The following ELK3 variants were observed in gnomAD, a reference collection of about 807,000 sequenced individuals.
The protein encoded by ELK3 is ETS domain-containing protein Elk-3.
ELK3 carries 10 observed loss-of-function variants against 28.9 expected under a neutral mutation model. That is an observed-to-expected ratio of 0.35 (90% CI 0.21 to 0.59). The LOEUF is 0.59. ELK3 is among the 20% of genes least tolerant of loss of function. The probability of loss-of-function intolerance (pLI) is 0.82; values close to 1 mark genes in which losing one functional copy is unlikely to be tolerated. For missense variants in ELK3, 463 were observed against 517.3 expected (o/e 0.90, Z 1.02); for synonymous variants, 272 against 243.5 (o/e 1.12, Z -1.09).
chr12:96,216,747 A>T (rs1951621439), intron 1 of ELK3, among the ~76,000 whole-genome samples: 1 of 152,222 alleles, frequency 6.6e-6, no homozygotes, highest in South Asian at 2.1e-4. Flanking sequence ...TGTAACTCTT[A>T]CAACAACCCT....
intron 2 of ELK3, among the ~76,000 whole-genome samples, chr12:96,227,488 T>G (rs1951710507): frequency 6.6e-6 from 1 of 151,732 alleles, no homozygotes; most frequent in South Asian, 2.1e-4. Context: ...TGTTATATTT[T>G]TAGCAGAGAA....
At chr12:96,259,614 T>C (rs1403091856) in intron 3 of ELK3, 117 bp from the exon 4 acceptor site, 3 of 1,166,544 alleles carry the variant, frequency 2.6e-6, no homozygotes, top group Non-Finnish European at 3.5e-6. Flanking sequence ...TTTCCTGAGA[T>C]GGTAAGGTCG....
rs1005711656 is a variant in ELK3, at chr12:96,267,481, T to TAAC, written c.*302_*304dup. 3.3e-5 allele frequency: 8 copies of TAAC among 241,978 alleles called. No homozygotes were observed. The highest frequency in any genetic ancestry group is 1.8e-4 in the African/African-American group (8 of 43,794). The allele number at this position is 241,978 out of a possible 1,614,324, so 15.0% of individuals were successfully genotyped here. A position where few individuals can be genotyped will look rare whatever the true frequency, so the allele number is the denominator to read the frequency against. On this transcript the variant is annotated 3_prime_UTR_variant, in exon 5 of 5. Transcript: ENST00000228741. The stretch of plus-strand genomic sequence containing the variant: ...GAACTTTTCTTAATGGTTTTCAGTA[T>TAAC]AACTAATAAGGATGTGAAGCTTTTT...
At chr12:96,238,188 G>T (rs984674644) in intron 2 of ELK3, among the ~76,000 whole-genome samples, 17 of 152,346 alleles carry the variant, frequency 1.1e-4, no homozygotes, top group African/African-American at 2.9e-4. Flanking sequence ...CAGTGTGTAC[G>T]ATTAGATTAT....
At chr12:96,218,780 C>G (rs1951639973) in intron 1 of ELK3, among the ~76,000 whole-genome samples, 1 of 151,774 alleles carries the variant, frequency 6.6e-6, no homozygotes, top group South Asian at 2.1e-4. Flanking sequence ...TCCCGAGTAG[C>G]TGGGACCACA....
At chr12:96,205,887 G>T (rs1951535438) in intron 1 of ELK3, among the ~76,000 whole-genome samples, 2 of 152,188 alleles carry the variant, frequency 1.3e-5, no homozygotes, top group Admixed American at 1.3e-4. Flanking sequence ...CACCCCTTTA[G>T]TTGCTGTACC....
chr12:96,194,846 T>G (rs1002697342), intron 1 of ELK3, 141 bp downstream of exon 1: 38 of 27,932 alleles, frequency 1.4e-3, no homozygotes, highest in South Asian at 3.9e-3. Flanking sequence ...GGGGTGGGGG[T>G]GGCGGTGCGT....
At chr12:96,265,660 C>G (rs2137047083) in intron 4 of ELK3, among the ~76,000 whole-genome samples, 1 of 152,244 alleles carries the variant, frequency 6.6e-6, no homozygotes, top group Non-Finnish European at 1.5e-5. Context: ...GCCTGGGTGA[C>G]AGAGCCAGAC....
chr12:96,261,036 AAG>A (rs1224527529), intron 4 of ELK3, among the ~76,000 whole-genome samples: 1 of 152,188 alleles, frequency 6.6e-6, no homozygotes, highest in African/African-American at 2.4e-5. Context: ...TGAATTCACA[AAG>A]AGAAGTCTGA....
intron 2 of ELK3, among the ~76,000 whole-genome samples, chr12:96,224,505 G>A (rs965943078): frequency 1.3e-5 from 2 of 152,220 alleles, no homozygotes; most frequent in Non-Finnish European, 2.9e-5. Flanking sequence ...GCAACTTCAT[G>A]GGAAACTTCC....
chr12:96,258,711 C>G (rs1951970317), intron 3 of ELK3, among the ~76,000 whole-genome samples: 1 of 152,198 alleles, frequency 6.6e-6, no homozygotes, highest in East Asian at 1.9e-4. Flanking sequence ...GGTGTTTCTT[C>G]TGCCCTCCTG....
rs1952049711 is a variant in ELK3, at chr12:96,267,841, A to C, written c.*661A>C. On this transcript the variant is annotated 3_prime_UTR_variant, in exon 5 of 5. Coordinates refer to ENST00000228741, the MANE Select transcript of ELK3 (RefSeq NM_005230.4). ...AGACAATAAACATTGATAAAAGAAA[A>C]TGTTCTAAAGTACATTTTCAAAAGA... The C allele has an allele frequency of 7.0e-6, 1 of 143,724 alleles. No individual in the cohort carries two copies. Among genetic ancestry groups the C allele is most frequent in the South Asian group, 2.2e-4 (1 of 4,544 alleles). 8.9% of individuals were successfully genotyped at this position (143,724 alleles called of 1,614,324 possible).
chr12:96,245,862 A>G (rs1203803758), intron 2 of ELK3, among the ~76,000 whole-genome samples: 2 of 152,340 alleles, frequency 1.3e-5, no homozygotes, highest in Non-Finnish European at 1.5e-5. Context: ...AACTTTTGCA[A>G]TGATTATTGC....
At chr12:96,225,176 AG>A (rs1293532847) in intron 2 of ELK3, among the ~76,000 whole-genome samples, 1 of 152,236 alleles carries the variant, frequency 6.6e-6, no homozygotes, top group African/African-American at 2.4e-5. Context: ...GGGCCGCTGA[AG>A]GAAAACACTC....
chr12:96,210,908 T>C (rs1951573985), intron 1 of ELK3, among the ~76,000 whole-genome samples: 1 of 152,184 alleles, frequency 6.6e-6, no homozygotes, highest in Non-Finnish European at 1.5e-5. Context: ...CAATGAGACG[T>C]TTCCCTTAGC....
chr12:96,206,678 T>G (rs888166339), intron 1 of ELK3, among the ~76,000 whole-genome samples: 1 of 152,198 alleles, frequency 6.6e-6, no homozygotes, highest in Non-Finnish European at 1.5e-5. Context: ...GCTGAACAAT[T>G]ATTGGAAGAG....
chr12:96,224,917 A>G (rs978380789), intron 2 of ELK3, among the ~76,000 whole-genome samples: 36 of 152,244 alleles, frequency 2.4e-4, no homozygotes, highest in African/African-American at 8.7e-4. Context: ...CATAAGGATT[A>G]TACGTTTCAG....
chr12:96,207,459 T>C (rs1394048741), intron 1 of ELK3, among the ~76,000 whole-genome samples: 1 of 152,212 alleles, frequency 6.6e-6, no homozygotes, highest in Admixed American at 6.5e-5. Flanking sequence ...AGAGTCACTG[T>C]TTTTTATAGT....
At chr12:96,195,377 A>G (rs928738704) in intron 1 of ELK3, among the ~76,000 whole-genome samples, 1 of 152,068 alleles carries the variant, frequency 6.6e-6, no homozygotes, top group Non-Finnish European at 1.5e-5. Context: ...GGTGGTCTCT[A>G]TTGGGCATGG....
Sources: gnomAD v4.1 joint callset for allele counts (sites outside exome capture counted in the v4.1 genomes callset) on GRCh38, gnomAD v4.1.1 for gene constraint, MANE v1.5 for transcripts, NCBI Gene and HGNC (gene_info 2026-07-23, HGNC 2026-07-21) for gene names.